Variants in MMP26 observed in about 807,000 individuals in gnomAD.
The protein encoded by MMP26 is matrix metallopeptidase 26.
MMP26 carries 33 observed loss-of-function variants against 31.0 expected under a neutral mutation model. The ratio of observed to expected loss-of-function variants is 1.06; its 90% CI spans 0.81 to 1.42. MMP26 has a LOEUF of 1.42. Among genes scored for constraint, MMP26 ranks in the 40% most tolerant of loss-of-function variants. MMP26 has a pLI of 0.00. For missense variants in MMP26, 347 were observed against 316.1 expected, an observed-to-expected ratio of 1.10 and a Z score of -0.74; for synonymous variants, 122 against 114.9, an observed-to-expected ratio of 1.06 and a Z score of -0.40.
intron 2 of MMP26, chr11:4,804,244 ATAT>A: frequency 6.2e-7 from 1 of 1,613,958 alleles, no homozygotes; most frequent in South Asian, 1.1e-5. Flanking sequence ...GAGGAGAGTG[ATAT>A]TTCCAACAAC....
chr11:4,938,933 C>T (rs1010492089), intron 2 of MMP26, among the ~76,000 whole-genome samples: 7 of 152,232 alleles, frequency 4.6e-5, no homozygotes, highest in African/African-American at 1.7e-4. Context: ...TAGTCATCAA[C>T]AAATACATCC....
At chr11:4,882,098 A>G (rs1443157864) in intron 2 of MMP26, 2 of 1,613,842 alleles carry the variant, frequency 1.2e-6, no homozygotes, top group Non-Finnish European at 1.7e-6. Flanking sequence ...TTTCCTCTCC[A>G]TGCTGGCAGC....
intron 1 of MMP26, among the ~76,000 whole-genome samples, chr11:4,718,029 G>T (rs1847958912): frequency 6.6e-6 from 1 of 152,098 alleles, no homozygotes; most frequent in Admixed American, 6.6e-5. Context: ...ATTTCTTAGG[G>T]ACAGTTTAAA....
intron 2 of MMP26, among the ~76,000 whole-genome samples, chr11:4,855,169 A>C: frequency 6.6e-6 from 1 of 152,228 alleles, no homozygotes. Flanking sequence ...TCTACCCCAA[A>C]GGAACACAGC....
chr11:4,775,747 T>TGAGAGAGAGAGAGAGAGAGA (rs35696328), intron 2 of MMP26, among the ~76,000 whole-genome samples: 37 of 139,796 alleles, frequency 2.6e-4, no homozygotes, highest in African/African-American at 9.8e-4. Flanking sequence ...AGGAAGTGAG[T>TGAGAGAGAGAGAGAGAGAGA]GAGAGAGAGA....
intron 2 of MMP26, chr11:4,769,939 T>TGTGAGGACAAATGC: frequency 1.6e-6 from 2 of 1,276,602 alleles, no homozygotes; most frequent in Non-Finnish European, 1.1e-6. Context: ...TTTGCAGCAT[T>TGTGAGGACAAATGC]TGTCCTCACA....
At chr11:4,722,941 G>C in intron 1 of MMP26, 1 of 786,036 alleles carries the variant, frequency 1.3e-6, no homozygotes, top group African/African-American at 1.7e-5. Flanking sequence ...AGACACTGGT[G>C]GTCTTTGTAT....
intron 1 of MMP26, among the ~76,000 whole-genome samples, chr11:4,721,346 T>TG (rs1034290451): frequency 5.3e-5 from 8 of 152,160 alleles, no homozygotes; most frequent in African/African-American, 1.9e-4. Flanking sequence ...TTACATACAA[T>TG]CTTCTGAAAG....
chr11:4,923,630 A>G, intron 2 of MMP26: 3 of 1,614,020 alleles, frequency 1.9e-6, no homozygotes, highest in Non-Finnish European at 2.5e-6. Context: ...GAGGGCTCGG[A>G]GTCGCTCCTG....
intron 1 of MMP26, among the ~76,000 whole-genome samples, chr11:4,764,676 T>C (rs1418008254): frequency 2.0e-5 from 3 of 152,176 alleles, no homozygotes; most frequent in East Asian, 1.9e-4. Context: ...CCAGACCATC[T>C]TGGCTACTAA....
At chr11:4,973,791 G>A (rs1846699290) in intron 2 of MMP26, 1 of 154,692 alleles carries the variant, frequency 6.5e-6, no homozygotes, top group Non-Finnish European at 1.5e-5. Context: ...AGACATATGG[G>A]GATAGAGATC....
chr11:4,978,251 C>CA, intron 2 of MMP26, among the ~76,000 whole-genome samples: 1 of 152,098 alleles, frequency 6.6e-6, no homozygotes, highest in East Asian at 1.9e-4. Context: ...TACAGTAGTG[C>CA]AAAAATGGAC....
intron 2 of MMP26, among the ~76,000 whole-genome samples, chr11:4,810,782 A>T (rs1449181169): frequency 6.6e-6 from 1 of 152,214 alleles, no homozygotes; most frequent in Non-Finnish European, 1.5e-5. Flanking sequence ...TGAACAGTGA[A>T]GGCCTACACA....
intron 1 of MMP26, among the ~76,000 whole-genome samples, chr11:4,746,954 T>G (rs1848390084): frequency 6.6e-6 from 1 of 152,118 alleles, no homozygotes; most frequent in South Asian, 2.1e-4. Context: ...TTTAGTGTTG[T>G]AAAATGTGAC....
intron 2 of MMP26, chr11:4,821,729 T>C (rs1564788307): frequency 6.2e-7 from 1 of 1,614,052 alleles, no homozygotes; most frequent in South Asian, 1.1e-5. Context: ...ATTGCCCAGA[T>C]GTTCTTTCTA....
At chr11:4,971,312 C>A (rs1306647153) in intron 2 of MMP26, among the ~76,000 whole-genome samples, 2 of 152,178 alleles carry the variant, frequency 1.3e-5, no homozygotes, top group Non-Finnish European at 2.9e-5. Context: ...AGAATCAAAT[C>A]TGTCCTTACT....
intron 2 of MMP26, among the ~76,000 whole-genome samples, chr11:4,929,292 C>T (rs1851313962): frequency 6.6e-6 from 1 of 151,874 alleles, no homozygotes. Context: ...CCATTAGCTG[C>T]AAAGAGCTTG....
intron 2 of MMP26, among the ~76,000 whole-genome samples, chr11:4,792,186 C>CAA (rs35035436): frequency 0.032 from 4,398 of 137,868 alleles, 235 homozygotes; most frequent in African/African-American, 0.11. Flanking sequence ...GTGTTTGACT[C>CAA]AAAAAAAAAA....
chr11:4,861,235 A>G (rs1850152421), intron 2 of MMP26, among the ~76,000 whole-genome samples: 1 of 150,350 alleles, frequency 6.7e-6, no homozygotes, highest in South Asian at 2.1e-4. Context: ...ATATAGAAGT[A>G]TATATCTATA....
Sources: gnomAD v4.1 joint callset for allele counts (sites outside exome capture counted in the v4.1 genomes callset) on GRCh38, gnomAD v4.1.1 for gene constraint, MANE v1.5 for transcripts, NCBI Gene and HGNC (gene_info 2026-07-23, HGNC 2026-07-21) for gene names.